The following ZNF250 variants were observed in gnomAD, a reference collection of about 807,000 sequenced individuals.
The protein encoded by ZNF250 is zinc finger protein 250.
ZNF250 carries 13 observed loss-of-function variants against 37.1 expected under a neutral mutation model. The ratio of observed to expected loss-of-function variants is 0.35; its 90% confidence interval spans 0.23 to 0.56. ZNF250 has a LOEUF of 0.56. Among genes scored for constraint, ZNF250 ranks in the 20% least tolerant of loss-of-function variants. ZNF250 has a pLI of 0.87. For missense variants in ZNF250, 474 were observed against 697.9 expected, an observed-to-expected ratio of 0.68 and a Z score of 3.61; for synonymous variants, 251 against 265.6, an observed-to-expected ratio of 0.94 and a Z score of 0.54.
chr8:144,882,870 A>C lies in ZNF250; in HGVS notation c.347-34T>G, dbSNP rs774749121. On this transcript the variant is annotated intron_variant, in intron 5 of 5. Coordinates refer to ENST00000417550, the MANE Select transcript of ZNF250 (RefSeq NM_001109689.4). This position sits in a 1 kb window ranked among gnomAD's most constrained non-coding sequence, Gnocchi z 5.5. The stretch of plus-strand genomic sequence containing the variant: ...ACAAATCCAAAATGAAAATGTTAAC[A>C]CTACTCAAAACTGAAGAGCTAGTGC... 6.4e-7 allele frequency: 1 copy of C among 1,567,910 alleles called. No homozygotes were observed. The highest frequency in any genetic ancestry group is 1.9e-5 in the Admixed American group (1 of 53,402).
chr8:144,895,834 C>A (rs1832683182), intron 1 of ZNF250, among the ~76,000 whole-genome samples: 1 of 150,302 alleles, frequency 6.7e-6, no homozygotes, highest in Non-Finnish European at 1.5e-5. Context: ...ATAGTGAAAC[C>A]CCGTCTCTAC....
At position 144,890,399 on chromosome 8, in the gene ZNF250, T is replaced by A; in HGVS notation, c.-50A>T. 6.9e-7 allele frequency: 1 copy of A among 1,441,448 alleles called. No individual in the cohort carries two copies. The highest frequency in any genetic ancestry group is 9.1e-7 in the Non-Finnish European group (1 of 1,093,302). The allele number at this position is 1,441,448 out of a possible 1,614,324, so 89.3% of individuals were successfully genotyped here. A position where few individuals can be genotyped will look rare whatever the true frequency, so the allele number is the denominator to read the frequency against. On this transcript the variant is annotated 5_prime_UTR_variant, in exon 2 of 6. Coordinates refer to ENST00000417550, the MANE Select transcript of ZNF250 (RefSeq NM_001109689.4). This position sits in a 1 kb window ranked among gnomAD's most constrained non-coding sequence, Gnocchi z 5.1. ...GGATCACGGAAATTGAAGGAGCCTA[T>A]GGGGCTGAGGAAGAGGAGGGGGCAA... is the stretch of plus-strand genomic sequence containing the variant.
At position 144,901,086 on chromosome 8, in the gene ZNF250, T is replaced by C. The variant is rs1833070950; in HGVS notation, c.-55+313A>G. On this transcript the variant is annotated intron_variant, in intron 1 of 5. Coordinates refer to ENST00000417550, the MANE Select transcript of ZNF250 (RefSeq NM_001109689.4). The surrounding 1 kb of genome is among the most constrained non-coding windows in gnomAD (Gnocchi z 5.4). ...AGATCCAAGGTGGGAGGGACGCCGGTCTGACGGGGCCCAAGGGGGTAGGGG... is the reference window on the plus strand; with the variant it reads ...AGATCCAAGGTGGGAGGGACGCCGGCCTGACGGGGCCCAAGGGGGTAGGGG... Among the ~76,000 whole-genome samples the C allele has an allele frequency of 6.6e-6, 1 of 151,296 alleles. No homozygotes were observed. Among genetic ancestry groups the C allele is most frequent in the Non-Finnish European group, 1.5e-5 (1 of 67,800 alleles).
rs1563876203 is a variant in ZNF250, at chr8:144,881,754, T to C, written c.1429A>G (p.Thr477Ala). The change falls in exon 6 of 6, where the codon ACA becomes GCA. Residue 477 changes from threonine to alanine, a missense_variant. Physicochemically the swap from Thr to Ala is moderately conservative, Grantham distance 58 (BLOSUM62 0). Around this residue, in one of 2 missense-constraint regions of ZNF250, gnomAD observed 282 missense variants for 470.4 expected, o/e 0.60. Transcript: ENST00000417550. ...AGGCTGAAGGCTTTGCCACATTCTG[T>C]GCACTGGAAGGGCTTTTCACCTGTG... ...IHTGEKPFQC[T>A]ECGKAFSLKA... is the part of the protein sequence containing the mutation. The C allele has an allele frequency of 6.2e-7, 1 of 1,614,124 alleles. No individual in the cohort carries two copies. The highest frequency in any genetic ancestry group is 1.7e-5 in the Admixed American group (1 of 60,024).
Position 144,881,608 on chromosome 8 carries a change from T to A in ZNF250, c.1575A>T (p.Thr525=), listed in dbSNP as rs1411123928. The A allele has an allele frequency of 6.2e-7, 1 of 1,613,252 alleles. No homozygotes were observed. Among genetic ancestry groups the A allele is most frequent in the Non-Finnish European group, 8.5e-7 (1 of 1,179,684 alleles). Residue 525 remains threonine (T), a synonymous_variant, in exon 6 of 6, where the codon ACA becomes ACT. Transcript: ENST00000417550. ...CCCCGCACTCATAGGGCTTCTCGCCTGTGTGGATCCGCTGGTGCTGGATGA... is the reference window on the plus strand; with the variant it reads ...CCCCGCACTCATAGGGCTTCTCGCCAGTGTGGATCCGCTGGTGCTGGATGA... The part of the protein sequence containing the change: ...SVLIQHQRIH[T]GEKPYECGEC...
At chr8:144,888,442 C>T (rs1180769329) in intron 4 of ZNF250, among the ~76,000 whole-genome samples, 1 of 151,674 alleles carries the variant, frequency 6.6e-6, no homozygotes, top group Admixed American at 6.6e-5. Flanking sequence ...ACTAAAAATA[C>T]AAAAATTAGC....
chr8:144,895,873 G>A (rs969444122), intron 1 of ZNF250, among the ~76,000 whole-genome samples: 1 of 151,730 alleles, frequency 6.6e-6, no homozygotes, highest in Admixed American at 6.6e-5. Context: ...GTCAGGCATG[G>A]TGGCAGGCAC....
In ZNF250 at chr8:144,890,358, C is replaced by T; in HGVS notation, c.-9G>A. 2 of 1,487,988 alleles carry T rather than the reference C, an allele frequency of 1.3e-6. No homozygotes were observed. The highest frequency in any genetic ancestry group is 1.4e-5 in the South Asian group (1 of 69,512). 92.2% of individuals were successfully genotyped at this position (1,487,988 alleles called of 1,614,324 possible). A position where few individuals can be genotyped will look rare whatever the true frequency, so the allele number is the denominator to read the frequency against. ...AGTCTGGCTGCTGCCATCACCTGGT[C>T]TCCTGGGGACTCCGAGGATCACGGA... On this transcript the variant is annotated 5_prime_UTR_variant, in exon 2 of 6. Coordinates refer to ENST00000417550, the MANE Select transcript of ZNF250 (RefSeq NM_001109689.4). This position sits in a 1 kb window ranked among gnomAD's most constrained non-coding sequence, Gnocchi z 5.1.
intron 1 of ZNF250, among the ~76,000 whole-genome samples, chr8:144,894,784 A>G (rs1586920151): frequency 2.6e-5 from 4 of 151,802 alleles, no homozygotes; most frequent in Admixed American, 2.6e-4. Context: ...CAGCATCCCA[A>G]GTAGCTAGGA....
chr8:144,899,507 T>C (rs1055505484), intron 1 of ZNF250, among the ~76,000 whole-genome samples: 1 of 152,160 alleles, frequency 6.6e-6, no homozygotes, highest in Non-Finnish European at 1.5e-5. Flanking sequence ...CATAAATGTG[T>C]ATAATTATTA....
At chr8:144,894,713 A>G (rs1475143481) in intron 1 of ZNF250, among the ~76,000 whole-genome samples, 2 of 152,052 alleles carry the variant, frequency 1.3e-5, no homozygotes, top group African/African-American at 4.8e-5. Context: ...GCTGGAGTAC[A>G]GTGGCTCAAT....
rs934049555 is a variant in ZNF250 at position 144,897,406 on chromosome 8, C to A, written c.-55+3993G>T. On this transcript the variant is annotated intron_variant, in intron 1 of 5. Coordinates refer to ENST00000417550, the MANE Select transcript of ZNF250 (RefSeq NM_001109689.4). This position sits in a 1 kb window ranked among gnomAD's most constrained non-coding sequence, Gnocchi z 5.2. ...CTAAACTTGACCTAATCTAAACTAA[C>A]CCTAACTAACCTAAACTAACCCTAA... 6.6e-6 allele frequency among the ~76,000 whole-genome samples: 1 copy of A among 152,234 alleles called. No homozygotes were observed. Among genetic ancestry groups the A allele is most frequent in the Non-Finnish European group, 1.5e-5 (1 of 68,046 alleles).
intron 4 of ZNF250, 85 bp downstream of exon 4, chr8:144,889,496 A>G: frequency 2.8e-6 from 3 of 1,088,998 alleles, no homozygotes; most frequent in South Asian, 2.9e-5. Context: ...CACTCCAGTG[A>G]GCGGCACAGT....
intron 1 of ZNF250, among the ~76,000 whole-genome samples, chr8:144,895,557 A>G (rs555725010): frequency 1.3e-5 from 2 of 152,312 alleles, no homozygotes; most frequent in East Asian, 3.9e-4. Context: ...ATTAACACAC[A>G]GAGGAAATAC....
chr8:144,882,237 T>C lies in ZNF250; in HGVS notation c.946A>G (p.Asn316Asp). Residue 316 changes from asparagine to aspartate, a missense_variant, in exon 6 of 6, where the codon AAC (asparagine) becomes GAC (aspartate). Asn to Asp is a conservative substitution (Grantham distance 23). Coordinates refer to ENST00000417550, the MANE Select transcript of ZNF250 (RefSeq NM_001109689.4). The surrounding 1 kb of genome is among the most constrained non-coding windows in gnomAD (Gnocchi z 5.5). ...TGGCTCCGCAGAACAGTGCTATGGT[T>C]GAAGGCTTTCCCACACAACGGACAC... Reference protein sequence around the residue: ...YVCPLCGKAFNHSTVLRSHQR... With the variant: ...YVCPLCGKAFDHSTVLRSHQR... The C allele has an allele frequency of 6.2e-7, 1 of 1,614,090 alleles. No individual in the cohort carries two copies. Among genetic ancestry groups the C allele is most frequent in the Non-Finnish European group, 8.5e-7 (1 of 1,179,982 alleles).
chr8:144,885,060 T>A (rs528039465), intron 5 of ZNF250, among the ~76,000 whole-genome samples: 1 of 152,250 alleles, frequency 6.6e-6, no homozygotes. Flanking sequence ...TATTGACAAA[T>A]TGAAACAGTG....
Position 144,882,773 on chromosome 8 carries a change from T to C in ZNF250, c.410A>G (p.Gln137Arg). 1 of 1,613,998 alleles carries C rather than the reference T, an allele frequency of 6.2e-7. No individual in the cohort carries two copies. The highest frequency in any genetic ancestry group is 2.2e-5 in the East Asian group (1 of 44,890). The change falls in exon 6 of 6, where the codon CAA (glutamine) becomes CGA (arginine). Residue 137 changes from glutamine to arginine, a missense_variant. Gln to Arg is a conservative substitution (Grantham distance 43, BLOSUM62 1). This residue lies in a region of ZNF250 where 192 missense variants were observed against 227.5 expected (regional missense o/e 0.84). Transcript: ENST00000417550. This position sits in a 1 kb window ranked among gnomAD's most constrained non-coding sequence, Gnocchi z 5.5. ...DLSPKPLISE[Q>R]TVILGKTPLG... is the part of the protein sequence containing the mutation. ...GGGTGTTTTCCCCAGAATCACTGTT[T>C]GCTCTGAAATTAATGGCTTCGGACT...
intron 1 of ZNF250, among the ~76,000 whole-genome samples, chr8:144,894,202 A>G (rs1343571691): frequency 1.3e-5 from 2 of 151,926 alleles, no homozygotes; most frequent in Non-Finnish European, 2.9e-5. Context: ...AAGCACATCC[A>G]GAACCTGACC....
At chr8:144,898,453 G>T (rs1832871175) in intron 1 of ZNF250, among the ~76,000 whole-genome samples, 1 of 152,016 alleles carries the variant, frequency 6.6e-6, no homozygotes, top group African/African-American at 2.4e-5. Flanking sequence ...CAAGAAACAA[G>T]ATTAAACCTT....
Sources: allele counts gnomAD v4.1 joint callset (sites outside exome capture counted in the v4.1 genomes callset), GRCh38; gene constraint gnomAD v4.1.1; regional missense constraint gnomAD v4.1.1; non-coding constraint Gnocchi (gnomAD v3.1); transcripts MANE v1.5; gene names NCBI Gene and HGNC (gene_info 2026-07-23, HGNC 2026-07-21).